The following R3HDM2 variants were observed in gnomAD, a reference collection of about 807,000 sequenced individuals.
R3HDM2 encodes R3H domain-containing protein 2.
R3HDM2 carries 38 observed loss-of-function variants against 124.5 expected under a neutral mutation model. The ratio of observed to expected loss-of-function variants is 0.31; its 90% confidence interval spans 0.24 to 0.40. The LOEUF is 0.40. R3HDM2 is among the 10% of genes least tolerant of loss of function. The pLI is 1.00. For missense variants in R3HDM2, 869 were observed against 1,236.9 expected (o/e 0.70, Z 4.46); for synonymous variants, 391 against 448.0 (o/e 0.87, Z 1.61).
intron 2 of R3HDM2, among the ~76,000 whole-genome samples, chr12:57,339,544 A>T (rs776473810): frequency 6.6e-6 from 1 of 152,072 alleles, no homozygotes; most frequent in Non-Finnish European, 1.5e-5. Flanking sequence ...CTAAAAATAC[A>T]AAAATTAGCT....
At chr12:57,404,207 G>A (rs2068312570) in intron 1 of R3HDM2, among the ~76,000 whole-genome samples, 1 of 148,294 alleles carries the variant, frequency 6.7e-6, no homozygotes, top group Non-Finnish European at 1.5e-5. Context: ...TGCGATTACA[G>A]GCATGCGCCA....
intron 14 of R3HDM2, among the ~76,000 whole-genome samples, chr12:57,274,081 T>C (rs1312730850): frequency 1.3e-5 from 2 of 152,192 alleles, no homozygotes; most frequent in Non-Finnish European, 2.9e-5. Flanking sequence ...CTTATACTGG[T>C]GGCTTTCATA....
chr12:57,329,100 G>A, intron 2 of R3HDM2, among the ~76,000 whole-genome samples: 1 of 152,060 alleles, frequency 6.6e-6, no homozygotes, highest in East Asian at 1.9e-4. Context: ...TATAAGCAAA[G>A]AATACTATCT....
At chr12:57,274,202 G>T (rs1297893318) in intron 14 of R3HDM2, among the ~76,000 whole-genome samples, 9 of 152,216 alleles carry the variant, frequency 5.9e-5, no homozygotes, top group African/African-American at 1.9e-4. Flanking sequence ...AAAAAAAATG[G>T]CTGCCTGCAG....
At chr12:57,276,993 T>G (rs2044939538) in intron 14 of R3HDM2, among the ~76,000 whole-genome samples, 1 of 151,284 alleles carries the variant, frequency 6.6e-6, no homozygotes, top group Non-Finnish European at 1.5e-5. Flanking sequence ...TGTATACTGC[T>G]CGGGAGATGG....
rs1266285369 is a variant in R3HDM2, at chr12:57,268,514, GAAAC to G, written c.1876-61_1876-58del. The G allele has an allele frequency of 9.6e-6, 15 of 1,569,800 alleles. No homozygotes were observed. In the East Asian group the frequency reaches 3.4e-4, roughly 35 times the overall value. On this transcript the variant is annotated intron_variant, in intron 17 of 23. Transcript: ENST00000402412. ...TTCGCATTCACATTGAGCTCATGCAGAAACAGCCTAGTCATCACGAGATCAGGGC... is the reference window on the plus strand; with the variant it reads ...TTCGCATTCACATTGAGCTCATGCAGAGCCTAGTCATCACGAGATCAGGGC...
chr12:57,272,525 C>T (rs1211392529), intron 14 of R3HDM2: 5 of 1,483,994 alleles, frequency 3.4e-6, no homozygotes, highest in Non-Finnish European at 2.7e-6. Context: ...ACTGAACAGG[C>T]TGCGGAGAGG....
intron 2 of R3HDM2, among the ~76,000 whole-genome samples, chr12:57,328,498 T>G (rs1015073382): frequency 6.6e-6 from 1 of 151,976 alleles, no homozygotes; most frequent in African/African-American, 2.4e-5. Flanking sequence ...GCTCAGATGA[T>G]TATTAGAATA....
intron 2 of R3HDM2, among the ~76,000 whole-genome samples, chr12:57,346,567 AT>A (rs2060113914): frequency 6.6e-6 from 1 of 152,228 alleles, no homozygotes; most frequent in Admixed American, 6.5e-5. Flanking sequence ...TCTAGAGAAA[AT>A]ATCCTTCAGT....
intron 2 of R3HDM2, among the ~76,000 whole-genome samples, chr12:57,367,126 G>T (rs2062760557): frequency 6.6e-6 from 1 of 152,144 alleles, no homozygotes; most frequent in Non-Finnish European, 1.5e-5. Flanking sequence ...ATCCTTCTAA[G>T]GACTCTACTC....
At chr12:57,401,385 A>G (rs1388819079) in intron 1 of R3HDM2, among the ~76,000 whole-genome samples, 2 of 152,050 alleles carry the variant, frequency 1.3e-5, no homozygotes, top group East Asian at 3.9e-4. Flanking sequence ...GGCCATACCA[A>G]CCTAGAGGAC....
chr12:57,320,283 A>AAAAAAAAAAAAAAAAAAAAAAAT (rs2056178316), intron 2 of R3HDM2, among the ~76,000 whole-genome samples: 1 of 148,238 alleles, frequency 6.7e-6, no homozygotes, highest in Non-Finnish European at 1.5e-5. Context: ...AAAAAAAAAA[A>AAAAAAAAAAAAAAAAAAAAAAAT]AAAAAGCCTT....
At chr12:57,265,070 T>C (rs1452596226) in intron 19 of R3HDM2, among the ~76,000 whole-genome samples, 3 of 152,170 alleles carry the variant, frequency 2.0e-5, no homozygotes, top group African/African-American at 7.2e-5. Context: ...CATAAACTTA[T>C]TAACTTGGAA....
At chr12:57,379,561 C>T (rs998203671) in intron 2 of R3HDM2, among the ~76,000 whole-genome samples, 2 of 151,188 alleles carry the variant, frequency 1.3e-5, no homozygotes, top group East Asian at 3.9e-4. Flanking sequence ...GCCTGGGCAA[C>T]AAGAGCGAAA....
At chr12:57,269,157 C>T (rs1278067793) in intron 16 of R3HDM2, 75 bp from the exon 17 acceptor site, 2 of 1,577,026 alleles carry the variant, frequency 1.3e-6, no homozygotes, top group African/African-American at 1.4e-5. Flanking sequence ...ATTTCCTTCT[C>T]CATTCTATTT....
At chr12:57,366,856 AT>A (rs1047868452) in intron 2 of R3HDM2, among the ~76,000 whole-genome samples, 1 of 151,508 alleles carries the variant, frequency 6.6e-6, no homozygotes, top group South Asian at 2.1e-4. Flanking sequence ...CGCCCAGGTA[AT>A]TTTTTTGTAT....
intron 1 of R3HDM2, 71 bp downstream of exon 1, chr12:57,430,649 G>C (rs957402082): frequency 1.5e-5 from 14 of 949,568 alleles, no homozygotes; most frequent in Non-Finnish European, 1.5e-5. Context: ...GCGCCCGCCC[G>C]TGCGGCCGCC....
intron 2 of R3HDM2, among the ~76,000 whole-genome samples, chr12:57,345,977 C>T (rs1028913188): frequency 1.3e-5 from 2 of 151,884 alleles, no homozygotes; most frequent in African/African-American, 4.8e-5. Flanking sequence ...CTGGCCAACA[C>T]GGTGAAACCC....
In R3HDM2 at chr12:57,299,427, A is replaced by C; in HGVS notation, c.346T>G (p.Ser116Ala). 6.5e-7 allele frequency: 1 copy of C among 1,544,070 alleles called. No individual in the cohort carries two copies. The highest frequency in any genetic ancestry group is 8.8e-7 in the Non-Finnish European group (1 of 1,139,930). ...SCPSDKEEEK[S>A]TKDVSEKEDK... ...TCCTTTTCAGAGACATCTTTTGTGG[A>C]CTTTTCTTCCTCCTTGTCAGAAGGG... is the stretch of plus-strand genomic sequence containing the variant. Residue 116 changes from serine (S) to alanine (A), a missense_variant, in exon 6 of 24, where the codon TCC becomes GCC. By Grantham distance (99) the Ser-to-Ala change is moderately conservative (BLOSUM62 1). Transcript: ENST00000402412.
Sources: gnomAD v4.1 joint callset for allele counts (sites outside exome capture counted in the v4.1 genomes callset) on GRCh38, gnomAD v4.1.1 for gene constraint, MANE v1.5 for transcripts, NCBI Gene and HGNC (gene_info 2026-07-23, HGNC 2026-07-21) for gene names.